GPHN: variants seen among roughly 807,000 people sequenced by gnomAD.
GPHN encodes gephyrin.
Under a neutral mutation model 95.5 loss-of-function variants are expected in GPHN, and 17 were observed. That is an observed-to-expected ratio of 0.18 (90% CI 0.12 to 0.27). The LOEUF (loss-of-function observed/expected upper bound fraction) is 0.27. GPHN is among the 10% of genes least tolerant of loss of function. The pLI, the probability that GPHN is intolerant of heterozygous loss-of-function variation, is 1.00. For missense variants in GPHN, 660 were observed against 978.1 expected (o/e 0.67, Z 4.34); for synonymous variants, 320 against 322.5 (o/e 0.99, Z 0.08).
intron 2 of GPHN, among the ~76,000 whole-genome samples, chr14:66,754,292 A>G (rs571624529): frequency 1.3e-5 from 2 of 152,086 alleles, no homozygotes; most frequent in Admixed American, 1.3e-4. Context: ...AAAGTTTTCC[A>G]AAGTGACTGT....
chr14:67,150,623 A>G (rs1407705526), intron 18 of GPHN, among the ~76,000 whole-genome samples: 1 of 152,140 alleles, frequency 6.6e-6, no homozygotes, highest in African/African-American at 2.4e-5. Flanking sequence ...AATAAAATGT[A>G]TACTTGTGTT....
At chr14:66,907,613 A>G (rs2065450319) in intron 5 of GPHN, among the ~76,000 whole-genome samples, 1 of 152,168 alleles carries the variant, frequency 6.6e-6, no homozygotes, top group Non-Finnish European at 1.5e-5. Flanking sequence ...CTCTGCCAAG[A>G]GAATTTAAAT....
chr14:67,428,367 C>T, the GPHN span, among the ~76,000 whole-genome samples: 1 of 152,216 alleles, frequency 6.6e-6, no homozygotes, highest in Non-Finnish European at 1.5e-5. Flanking sequence ...CTATCCTGCT[C>T]CCCAAGATTG....
At chr14:66,805,196 A>G (rs367829128) in intron 3 of GPHN, among the ~76,000 whole-genome samples, 1 of 152,156 alleles carries the variant, frequency 6.6e-6, no homozygotes, top group Non-Finnish European at 1.5e-5. Context: ...GAGGGAGCTT[A>G]TGCAGGGAAA....
intron 5 of GPHN, among the ~76,000 whole-genome samples, chr14:66,884,587 TA>T (rs1342027587): frequency 6.9e-6 from 1 of 145,934 alleles, no homozygotes; most frequent in East Asian, 2.0e-4. Flanking sequence ...TGTTTTTTTT[TA>T]AAAGATCAAA....
the GPHN span, chr14:67,271,185 G>A: frequency 6.6e-6 from 1 of 152,160 alleles, no homozygotes; most frequent in East Asian, 1.9e-4. Context: ...ACGGATCCCT[G>A]CCAATTAGAT....
intron 8 of GPHN, among the ~76,000 whole-genome samples, chr14:66,935,684 A>C (rs2067089314): frequency 6.6e-6 from 1 of 151,792 alleles, no homozygotes; most frequent in Non-Finnish European, 1.5e-5. Flanking sequence ...ACATGTGTTT[A>C]TATGTATACA....
At chr14:66,843,690 C>T (rs112078605) in intron 4 of GPHN, among the ~76,000 whole-genome samples, 1,979 of 152,280 alleles carry the variant, frequency 0.013, 19 homozygotes, top group Non-Finnish European at 0.018. Context: ...GCCTACATAT[C>T]GTCCAAACAT....
chr14:66,657,741 A>G (rs966711680), intron 1 of GPHN, among the ~76,000 whole-genome samples: 3 of 152,120 alleles, frequency 2.0e-5, no homozygotes, highest in African/African-American at 7.2e-5. Context: ...GTTGAGACCT[A>G]CTGCTCAGAA....
Position 66,747,412 on chromosome 14 carries a change from A to T in GPHN, c.144-29052A>T, listed in dbSNP as rs79618672. Among the ~76,000 whole-genome samples the T allele has an allele frequency of 0.042, 6,381 of 152,178 alleles. 824 individuals are homozygous for T. The East Asian group carries it at 0.42, about 10-fold the overall frequency. Reference sequence around the variant, plus strand: ...TATTTGTATCTTTGACATGAGATAAAGTTTGTGGAAGATTTAACAAGAACA... The same window carrying T: ...TATTTGTATCTTTGACATGAGATAATGTTTGTGGAAGATTTAACAAGAACA... On this transcript the variant is annotated intron_variant, in intron 2 of 22. Coordinates refer to ENST00000478722, the MANE Select transcript of GPHN (RefSeq NM_020806.5).
the GPHN span, chr14:67,600,233 C>T: frequency 2.6e-6 from 4 of 1,523,528 alleles, no homozygotes; most frequent in Non-Finnish European, 3.5e-6. Context: ...CCGCACCGCG[C>T]GGCGCTGCAC....
chr14:66,769,826 A>T (rs2059100687), intron 2 of GPHN, among the ~76,000 whole-genome samples: 1 of 152,080 alleles, frequency 6.6e-6, no homozygotes. Flanking sequence ...AACGATTTAT[A>T]TTTCTTTGGG....
intron 3 of GPHN, among the ~76,000 whole-genome samples, chr14:66,776,768 T>A (rs1190519855): frequency 6.6e-6 from 1 of 152,174 alleles, no homozygotes; most frequent in Non-Finnish European, 1.5e-5. Flanking sequence ...TGTAGTTCAT[T>A]AAAAATCTAC....
In GPHN at chr14:66,651,290, A is replaced by G. The variant is rs532990912; in HGVS notation, c.65-29817A>G. Among the ~76,000 whole-genome samples, 16 of 152,328 alleles carry G rather than the reference A, an allele frequency of 1.1e-4. No individual in the cohort carries two copies. The South Asian group carries it at 3.3e-3, about 32-fold the overall frequency. On this transcript the variant is annotated intron_variant, in intron 1 of 22. Transcript: ENST00000478722. ...ACTCGATCTGTCGCTTCAGGGGAGA[A>G]CAACAAGTGTGTTCAAGTCGGCAGA...
chr14:66,615,362 C>T (rs781425262), intron 1 of GPHN, among the ~76,000 whole-genome samples: 17 of 152,050 alleles, frequency 1.1e-4, no homozygotes, highest in Non-Finnish European at 1.5e-4. Context: ...TCCACAGCCT[C>T]GCCAGCATCT....
intron 1 of GPHN, among the ~76,000 whole-genome samples, chr14:66,610,350 A>G (rs1341299524): frequency 6.6e-6 from 1 of 152,146 alleles, no homozygotes; most frequent in Non-Finnish European, 1.5e-5. Context: ...ATTCAGTGGC[A>G]GGAACTAGCC....
chr14:67,112,870 A>C, intron 15 of GPHN, 148 bp from the exon 16 acceptor site: 1 of 680,268 alleles, frequency 1.5e-6, no homozygotes, highest in Non-Finnish European at 2.6e-6. Context: ...GGATTTTTAG[A>C]ATCCCTTCAA....
the GPHN span, among the ~76,000 whole-genome samples, chr14:67,537,721 T>G: frequency 6.6e-6 from 1 of 152,194 alleles, no homozygotes; most frequent in South Asian, 2.1e-4. Context: ...CTCAAAATCC[T>G]CAAACTTGCC....
rs572881150 is a variant in GPHN at position 67,111,515 on chromosome 14, T to C, written c.1414-346T>C. Among the ~76,000 whole-genome samples, 4 of 152,318 alleles carry C rather than the reference T, an allele frequency of 2.6e-5. No individual in the cohort carries two copies. The East Asian group carries it at 7.7e-4, about 29-fold the overall frequency. On this transcript the variant is annotated intron_variant, in intron 14 of 22. Transcript: ENST00000478722. ...ATTACCTCCACACACGTTCACTTTA[T>C]TAGGGTAGCCACCTACATATGTATA...
Sources: allele counts gnomAD v4.1 joint callset (sites outside exome capture counted in the v4.1 genomes callset), GRCh38; gene constraint gnomAD v4.1.1; transcripts MANE v1.5; gene names NCBI Gene and HGNC (gene_info 2026-07-23, HGNC 2026-07-21).